GBF1: variants seen among roughly 807,000 people sequenced by gnomAD.
GBF1 encodes the protein golgi brefeldin A resistant guanine nucleotide exchange factor 1.
GBF1 carries 114 observed loss-of-function variants against 210.5 expected under a neutral mutation model. The observed-to-expected ratio is 0.54, with a 90% CI of 0.47 to 0.63. GBF1 has a LOEUF of 0.63. GBF1 is among the 30% of genes least tolerant of loss of function. GBF1 has a pLI of 0.00. For synonymous variants in GBF1, 850 were observed against 889.2 expected (o/e 0.96, Z 0.78); for missense variants, 1,851 against 2,357.7 (o/e 0.79, Z 4.45).
chr10:102,381,119 G>T lies in GBF1; in HGVS notation c.5174-8G>T. ...AGAGGTGCCATCTCAATTCTCTACCGTCTCCAGACCCCATGCCCATGGAGC... is the reference window on the plus strand; with the variant it reads ...AGAGGTGCCATCTCAATTCTCTACCTTCTCCAGACCCCATGCCCATGGAGC... On this transcript the variant is annotated splice_polypyrimidine_tract_variant and splice_region_variant and intron_variant, in intron 38 of 39. Coordinates refer to ENST00000369983, the MANE Select transcript of GBF1 (RefSeq NM_001377137.1). 1.2e-6 allele frequency: 2 copies of T among 1,613,236 alleles called. No homozygotes were observed. The highest frequency in any genetic ancestry group is 2.2e-5 in the South Asian group (2 of 91,046).
intron 19 of GBF1, 36 bp from the exon 20 acceptor site, chr10:102,367,049 A>G: frequency 6.2e-7 from 1 of 1,611,814 alleles, no homozygotes; most frequent in Non-Finnish European, 8.5e-7. Context: ...TGGCCAGAGA[A>G]GGGCATTGAC....
chr10:102,301,937 G>C (rs1015897261), intron 3 of GBF1, among the ~76,000 whole-genome samples: 6 of 152,170 alleles, frequency 3.9e-5, no homozygotes, highest in African/African-American at 1.4e-4. Context: ...AGGTTGTAGC[G>C]AGCCGAGATC....
intron 3 of GBF1, among the ~76,000 whole-genome samples, chr10:102,317,153 C>T (rs1485743898): frequency 6.6e-6 from 1 of 151,974 alleles, no homozygotes; most frequent in African/African-American, 2.4e-5. Context: ...TAATATAAGC[C>T]AGGCACAGTG....
chr10:102,382,252 T>C lies in GBF1; in HGVS notation c.5499T>C (p.Pro1833=). The change falls in exon 40 of 40, where the codon CCT becomes CCC. Residue 1833 remains proline (P), a synonymous_variant. Coordinates refer to ENST00000369983, the MANE Select transcript of GBF1 (RefSeq NM_001377137.1). ...TGACTCTGCCCATCATCCTCAACCC[T>C]GCGCTCATCGAGGCCACCTCACCAG... The part of the protein sequence containing the change: ...PPMTLPIILN[P]ALIEATSPVP... The C allele has an allele frequency of 6.2e-7, 1 of 1,614,064 alleles. No individual in the cohort carries two copies. Among genetic ancestry groups the C allele is most frequent in the South Asian group, 1.1e-5 (1 of 91,086 alleles).
At chr10:102,242,434 G>T (rs77832409), upstream of GBF1, among the ~76,000 whole-genome samples, 1,561 of 152,322 alleles carry the variant, frequency 0.01, 23 homozygotes, top group African/African-American at 0.036. Flanking sequence ...CTGGTTTCCC[G>T]CTGGTGGTAC....
At chr10:102,347,629 G>A (rs913522279) in intron 4 of GBF1, among the ~76,000 whole-genome samples, 39 of 152,206 alleles carry the variant, frequency 2.6e-4, no homozygotes, top group Admixed American at 1.4e-3. Flanking sequence ...AGGAAGGAGT[G>A]TATGAAAGCC....
At chr10:102,257,806 G>T (rs919232126) in intron 1 of GBF1, among the ~76,000 whole-genome samples, 2 of 151,738 alleles carry the variant, frequency 1.3e-5, no homozygotes. Flanking sequence ...TGCTGCCCAG[G>T]CTGGTCTTAA....
Position 102,379,664 on chromosome 10 carries a change from ACTGGTCTT to A in GBF1, c.4776+14_4776+21del. The A allele has an allele frequency of 6.2e-7, 1 of 1,613,710 alleles. No homozygotes were observed. The highest frequency in any genetic ancestry group is 8.5e-7 in the Non-Finnish European group (1 of 1,179,718). On this transcript the variant is annotated intron_variant, in intron 35 of 39. Coordinates refer to ENST00000369983, the MANE Select transcript of GBF1 (RefSeq NM_001377137.1). ...CTGTTTTAACAAGGTGGGACTTCCT[ACTGGTCTT>A]AAGATAAAGTTCAAATCCTAAGAAA...
intron 8 of GBF1, among the ~76,000 whole-genome samples, chr10:102,354,236 C>T (rs1297186433): frequency 6.6e-6 from 1 of 152,176 alleles, no homozygotes; most frequent in Non-Finnish European, 1.5e-5. Context: ...ATGGAGATGA[C>T]CCTTAGCTGT....
In GBF1 at chr10:102,358,638, C is replaced by G; in HGVS notation, c.920C>G (p.Thr307Ser). The G allele has an allele frequency of 1.9e-6, 3 of 1,613,958 alleles. No homozygotes were observed. Among genetic ancestry groups the G allele is most frequent in the Non-Finnish European group, 2.5e-6 (3 of 1,179,824 alleles). ...CAAACCACTTCCAAGGAAGACCTTA[C>G]TGATCTAGAGCAACCTGGCTCTCCA... ...SSQTTSKEDL[T>S]DLEQPGSPGY... Residue 307 changes from threonine (T) to serine (S), a missense_variant, in exon 10 of 40, where the codon ACT (threonine) becomes AGT (serine). Transcript: ENST00000369983.
chr10:102,271,791 C>T (rs1181398467), intron 3 of GBF1, among the ~76,000 whole-genome samples: 1 of 151,650 alleles, frequency 6.6e-6, no homozygotes, highest in Non-Finnish European at 1.5e-5. Context: ...CTGCTCTGTC[C>T]CCCAGGCTGG....
Position 102,365,465 on chromosome 10 carries a change from A to G in GBF1, c.2175A>G (p.Lys725=), listed in dbSNP as rs929447311. The G allele has an allele frequency of 1.9e-6, 3 of 1,613,914 alleles. No homozygotes were observed. The highest frequency in any genetic ancestry group is 1.3e-5 in the African/African-American group (1 of 74,950). Residue 725 remains lysine, a synonymous_variant, in exon 18 of 40, where the codon AAA becomes AAG. Transcript: ENST00000369983. ...PKKGIQFLQE[K]GLLTIPMDNT... is the part of the protein sequence containing the mutation. ...AGGGGATTCAGTTTCTGCAAGAGAA[A>G]GGCCTCCTCACCATCCCAATGGACA...
intron 3 of GBF1, among the ~76,000 whole-genome samples, chr10:102,301,709 C>A (rs559698722): frequency 0.015 from 2,161 of 146,250 alleles, 41 homozygotes; most frequent in African/African-American, 0.053. Flanking sequence ...AGACGATGGG[C>A]GGCTGGGCAG....
intron 3 of GBF1, among the ~76,000 whole-genome samples, chr10:102,320,807 A>T (rs1331898588): frequency 2.0e-5 from 3 of 149,880 alleles, no homozygotes; most frequent in Admixed American, 6.6e-5. Context: ...TTTTTTTTTT[A>T]AATGGAGTCT....
intron 1 of GBF1, among the ~76,000 whole-genome samples, chr10:102,256,807 C>CG: frequency 6.6e-6 from 1 of 152,194 alleles, no homozygotes; most frequent in East Asian, 1.9e-4. Flanking sequence ...CCACAGTGCC[C>CG]GACCTTCTTG....
At position 102,375,458 on chromosome 10, in the gene GBF1, A is replaced by G; in HGVS notation, c.3760A>G (p.Asn1254Asp). 6.2e-7 allele frequency: 1 copy of G among 1,613,378 alleles called. No individual in the cohort carries two copies. Among genetic ancestry groups the G allele is most frequent in the South Asian group, 1.1e-5 (1 of 91,058 alleles). Residue 1254 changes from asparagine to aspartate, a missense_variant, in exon 30 of 40, where the codon AAT (asparagine) becomes GAT (aspartate). This residue lies in a region of GBF1 where 967 missense variants were observed against 1,247.7 expected (regional missense o/e 0.78). Transcript: ENST00000369983. ...TGGGCTCCATGAACTCCTGAAGACC[A>G]ATGCAGCCAACATCCACTCAGGTGA... The part of the protein sequence containing the change: ...AYGLHELLKT[N>D]AANIHSGDDW...
At chr10:102,328,953 G>A (rs2057119167) in intron 3 of GBF1, among the ~76,000 whole-genome samples, 1 of 152,146 alleles carries the variant, frequency 6.6e-6, no homozygotes, top group South Asian at 2.1e-4. Context: ...TAAAGCTGGG[G>A]TAAATTGTTC....
At chr10:102,253,985 T>C (rs1172144717) in intron 1 of GBF1, among the ~76,000 whole-genome samples, 3 of 152,210 alleles carry the variant, frequency 2.0e-5, no homozygotes, top group Non-Finnish European at 4.4e-5. Context: ...GTTGCCAATT[T>C]TGGGGAGGGG....
At chr10:102,322,367 C>G (rs1231479828) in intron 3 of GBF1, among the ~76,000 whole-genome samples, 1 of 152,134 alleles carries the variant, frequency 6.6e-6, no homozygotes, top group Non-Finnish European at 1.5e-5. Flanking sequence ...TCCATTTAGT[C>G]AAGACTTCTC....
Sources: gnomAD v4.1 joint callset for allele counts (sites outside exome capture counted in the v4.1 genomes callset) on GRCh38, gnomAD v4.1.1 for gene constraint, gnomAD v4.1.1 regional missense constraint, MANE v1.5 for transcripts, NCBI Gene and HGNC (gene_info 2026-07-23, HGNC 2026-07-21) for gene names.